Variants in PPP1R3A observed in about 807,000 individuals in gnomAD.
PPP1R3A encodes RG1.
Under a neutral mutation model 41.7 loss-of-function variants are expected in PPP1R3A, and 29 were observed. That is an observed-to-expected ratio of 0.70 (90% CI 0.52 to 0.95). The LOEUF is 0.95. PPP1R3A is among the 40% of genes least tolerant of loss of function. PPP1R3A has a pLI of 0.00. For missense variants in PPP1R3A, 1,352 were observed against 1,292.4 expected, an observed-to-expected ratio of 1.05 and a Z score of -0.71; for synonymous variants, 485 against 453.4, an observed-to-expected ratio of 1.07 and a Z score of -0.89.
At chr7:113,896,395 TG>T (rs1796976990) in intron 1 of PPP1R3A, among the ~76,000 whole-genome samples, 1 of 151,900 alleles carries the variant, frequency 6.6e-6, no homozygotes, top group Non-Finnish European at 1.5e-5. Context: ...GGGCTTCTGT[TG>T]TTTTTTACTT....
intron 1 of PPP1R3A, among the ~76,000 whole-genome samples, chr7:113,892,893 G>T (rs779936715): frequency 6.6e-6 from 1 of 152,088 alleles, no homozygotes; most frequent in East Asian, 1.9e-4. Flanking sequence ...AAGGCACATC[G>T]TTTTGTTTTG....
rs142590001 is a variant in PPP1R3A at position 113,878,545 on chromosome 7, T to C, written c.2547A>G (p.Ser849=). Residue 849 remains serine, a synonymous_variant, in exon 4 of 4, where the codon TCA becomes TCG. Coordinates refer to ENST00000284601, the MANE Select transcript of PPP1R3A (RefSeq NM_002711.4). ...CTTTTTGATATTCTGTAATGACCCA[T>C]GAGGATTCTTCCACAGATGTTATAT... ...TGNITSVEES[S]WVITEYQKAT... 589 of 1,613,512 alleles carry C rather than the reference T, an allele frequency of 3.7e-4. 1 individual carries two copies. The highest frequency in any genetic ancestry group is 2.1e-3 in the African/African-American group (159 of 74,998).
At chr7:113,915,549 A>G (rs928107650) in intron 1 of PPP1R3A, among the ~76,000 whole-genome samples, 3 of 148,834 alleles carry the variant, frequency 2.0e-5, no homozygotes, top group African/African-American at 7.3e-5. Flanking sequence ...ATGTATATGT[A>G]TATACATATA....
chr7:113,878,926 A>G lies in PPP1R3A; in HGVS notation c.2166T>C (p.Thr722=), dbSNP rs751891846. The G allele has an allele frequency of 2.5e-6, 4 of 1,613,142 alleles. No homozygotes were observed. In the Admixed American group the frequency reaches 6.7e-5, roughly 27 times the overall value. Residue 722 remains threonine, a synonymous_variant, in exon 4 of 4, where the codon ACT becomes ACC. Transcript: ENST00000284601. The stretch of plus-strand genomic sequence containing the variant: ...AGGCTGTACCAGCTTCTGCTTTCTC[A>G]GTAATGCCATGATCAGCTAGAGAAG... ...ELSSLADHGI[T]EKAEAGTAYI...
chr7:113,880,165 A>T (rs1209001572), intron 3 of PPP1R3A, 40 bp from the exon 4 acceptor site: 1 of 1,510,286 alleles, frequency 6.6e-7, no homozygotes. Flanking sequence ...TGACCATAAG[A>T]TCTTTTAAAA....
chr7:113,881,827 G>A (rs924336392), intron 3 of PPP1R3A, among the ~76,000 whole-genome samples: 2 of 152,024 alleles, frequency 1.3e-5, no homozygotes, highest in African/African-American at 4.8e-5. Context: ...GATAAGAAAT[G>A]AATGTCATTA....
At chr7:113,893,170 A>G (rs550354244) in intron 1 of PPP1R3A, among the ~76,000 whole-genome samples, 100 of 152,128 alleles carry the variant, frequency 6.6e-4, no homozygotes, top group African/African-American at 2.4e-3. Flanking sequence ...TCTCAGCTTT[A>G]ATATTAAATA....
rs1258569686 is a variant in PPP1R3A at position 113,918,433 on chromosome 7, G to A, written c.564C>T (p.Phe188=). 5 of 1,613,054 alleles carry A rather than the reference G, an allele frequency of 3.1e-6. No homozygotes were observed. The highest frequency in any genetic ancestry group is 1.3e-5 in the African/African-American group (1 of 74,860). The change falls in exon 1 of 4, where the codon TTC becomes TTT. Residue 188 remains phenylalanine, a synonymous_variant. Coordinates refer to ENST00000284601, the MANE Select transcript of PPP1R3A (RefSeq NM_002711.4). The part of the protein sequence containing the change: ...PNSCDGETDQ[F]SFKIVLVPPY... ...GAGGAACCAATACAATCTTAAAGGAGAACTGGTCAGTTTCACCATCACATG... is the reference window on the plus strand; with the variant it reads ...GAGGAACCAATACAATCTTAAAGGAAAACTGGTCAGTTTCACCATCACATG...
intron 1 of PPP1R3A, among the ~76,000 whole-genome samples, chr7:113,892,248 G>C (rs776245099): frequency 1.1e-4 from 16 of 152,020 alleles, no homozygotes; most frequent in Non-Finnish European, 1.6e-4. Context: ...TCAGAAATAT[G>C]AGCCTCCTTT....
intron 1 of PPP1R3A, among the ~76,000 whole-genome samples, chr7:113,899,003 G>A (rs1360395204): frequency 6.6e-6 from 1 of 151,784 alleles, no homozygotes; most frequent in East Asian, 1.9e-4. Context: ...CCAGTCTATG[G>A]AAGGATAGAA....
chr7:113,917,757 C>G lies in PPP1R3A; in HGVS notation c.782+458G>C, dbSNP rs541946270. Among the ~76,000 whole-genome samples the G allele has an allele frequency of 7.7e-4, 117 of 152,064 alleles. 1 individual carries two copies. The highest frequency in any genetic ancestry group is 1.6e-3 in the Admixed American group (24 of 15,232). On this transcript the variant is annotated intron_variant, in intron 1 of 3. Transcript: ENST00000284601. ...AAAACAGTTATGAAGAAGTTCTTTGCAGCTTTTGGGAGAAGTTTACAAATT... is the reference window on the plus strand; with the variant it reads ...AAAACAGTTATGAAGAAGTTCTTTGGAGCTTTTGGGAGAAGTTTACAAATT...
At chr7:113,886,057 G>A (rs1289259373) in intron 1 of PPP1R3A, among the ~76,000 whole-genome samples, 1 of 150,906 alleles carries the variant, frequency 6.6e-6, no homozygotes, top group Admixed American at 6.6e-5. Flanking sequence ...ATACTGCTAA[G>A]ATTTATCCAT....
intron 1 of PPP1R3A, among the ~76,000 whole-genome samples, chr7:113,903,927 C>G (rs977681156): frequency 8.6e-5 from 13 of 151,688 alleles, no homozygotes; most frequent in Non-Finnish European, 1.9e-4. Context: ...TGTTCCTTCT[C>G]CACATTCACA....
At chr7:113,880,331 A>G (rs1212266797) in intron 3 of PPP1R3A, among the ~76,000 whole-genome samples, 1 of 151,966 alleles carries the variant, frequency 6.6e-6, no homozygotes, top group Non-Finnish European at 1.5e-5. Flanking sequence ...ATTAGTAAGA[A>G]AGGGGGCCCA....
At position 113,879,771 on chromosome 7, in the gene PPP1R3A, T is replaced by G; in HGVS notation, c.1321A>C (p.Asn441His). The G allele has an allele frequency of 6.2e-7, 1 of 1,613,402 alleles. No individual in the cohort carries two copies. The highest frequency in any genetic ancestry group is 2.2e-5 in the East Asian group (1 of 44,830). ...CCATTGCCATGGGCTGGATTAGCAT[T>G]ATCATCCAGGACTTCTTTGCTGCCA... ...HTGSKEVLDD[N>H]ANPAHGNGTV... The change falls in exon 4 of 4, where the codon AAT becomes CAT. Residue 441 changes from asparagine to histidine, a missense_variant. Coordinates refer to ENST00000284601, the MANE Select transcript of PPP1R3A (RefSeq NM_002711.4).
intron 3 of PPP1R3A, 82 bp from the exon 4 acceptor site, chr7:113,880,207 C>A: frequency 8.2e-7 from 1 of 1,214,188 alleles, no homozygotes. Flanking sequence ...TTTATTAACT[C>A]GGCTAGTAAT....
At position 113,882,119 on chromosome 7, in the gene PPP1R3A, C is replaced by A. The variant is rs138854207; in HGVS notation, c.886G>T (p.Asp296Tyr). 22 of 1,611,748 alleles carry A rather than the reference C, an allele frequency of 1.4e-5. No homozygotes were observed. The African/African-American group carries it at 2.0e-4, about 15-fold the overall frequency. Residue 296 changes from aspartate to tyrosine, a missense_variant, in exon 3 of 4, where the codon GAT becomes TAT. Physicochemically the swap from Asp to Tyr is radical, Grantham distance 160. Coordinates refer to ENST00000284601, the MANE Select transcript of PPP1R3A (RefSeq NM_002711.4). Reference sequence around the variant, plus strand: ...ACATTTCGATTACTGGCTTCCAAATCTTCCTTGTCCTCATGAGAACAAATG... The same window carrying A: ...ACATTTCGATTACTGGCTTCCAAATATTCCTTGTCCTCATGAGAACAAATG... ...TIICSHEDKE[D>Y]LEASNRNVKD...
chr7:113,891,578 A>G lies in PPP1R3A; in HGVS notation c.783-9258T>C, dbSNP rs1035365077. On this transcript the variant is annotated intron_variant, in intron 1 of 3. Transcript: ENST00000284601. ...CTTCAGTGACAGTAACCTTTTATTT[A>G]AAAGTATCCTCTCTAAATACAACGT... Among the ~76,000 whole-genome samples the G allele has an allele frequency of 3.7e-4, 56 of 152,182 alleles. 1 individual carries two copies. Among genetic ancestry groups the G allele is most frequent in the Middle Eastern group, 3.4e-3 (1 of 294 alleles).
At chr7:113,908,167 C>G (rs562753565) in intron 1 of PPP1R3A, among the ~76,000 whole-genome samples, 2 of 151,924 alleles carry the variant, frequency 1.3e-5, no homozygotes, top group East Asian at 3.9e-4. Context: ...TTGCCAATGT[C>G]TAAAAACTTA....
Sources: allele counts gnomAD v4.1 joint callset (sites outside exome capture counted in the v4.1 genomes callset), GRCh38; gene constraint gnomAD v4.1.1; transcripts MANE v1.5; gene names NCBI Gene and HGNC (gene_info 2026-07-23, HGNC 2026-07-21).